The following RIPOR3 variants were observed in gnomAD, a reference collection of about 807,000 sequenced individuals.
RIPOR3 encodes the protein family with sequence similarity 65 member C.
Under a neutral mutation model 114.3 loss-of-function variants are expected in RIPOR3, and 95 were observed. That is an observed-to-expected ratio of 0.83 (90% CI 0.70 to 0.99). The LOEUF (loss-of-function observed/expected upper bound fraction) is 0.99, where lower values mean the gene tolerates loss of function less well. Among genes scored for constraint, RIPOR3 ranks in the 50% least tolerant of loss-of-function variants. RIPOR3 has a pLI of 0.00. For synonymous variants in RIPOR3, 575 were observed against 543.8 expected (o/e 1.06, Z -0.80); for missense variants, 1,252 against 1,266.9 (o/e 0.99, Z 0.18).
intron 12 of RIPOR3, among the ~76,000 whole-genome samples, chr20:50,603,097 C>T (rs2083565994): frequency 6.6e-6 from 1 of 152,274 alleles, no homozygotes; most frequent in Non-Finnish European, 1.5e-5. Context: ...TCCCTTCCTG[C>T]TGTCTCCCAC....
At chr20:50,679,080 G>A (rs6020679) in intron 1 of RIPOR3, among the ~76,000 whole-genome samples, 73,066 of 117,398 alleles carry the variant, frequency 0.62, 23,380 homozygotes, top group Middle Eastern at 0.73. Flanking sequence ...ACTCCAGCCT[G>A]GGTGACAAAG....
Position 50,587,839 on chromosome 20 carries a change from G to A in RIPOR3, c.2715C>T (p.Ala905=), listed in dbSNP as rs376014995. 41 of 1,614,158 alleles carry A rather than the reference G, an allele frequency of 2.5e-5. No homozygotes were observed. The Middle Eastern group carries it at 1.2e-3, about 45-fold the overall frequency. The change falls in exon 21 of 22, where the codon GCC becomes GCT. Residue 905 remains alanine (A), a synonymous_variant. Transcript: ENST00000327979. The part of the protein sequence containing the change: ...TASLCQSDLE[A]VRAAARETTL... ...TGGTTTCCCGGGCTGCCGCCCGCAC[G>A]GCCTCCAGGTCAGACTGGCACAGGC...
At chr20:50,640,279 A>G (rs2085141124) in intron 1 of RIPOR3, among the ~76,000 whole-genome samples, 1 of 151,898 alleles carries the variant, frequency 6.6e-6, no homozygotes, top group African/African-American at 2.4e-5. Context: ...GTCTGAGACC[A>G]AGGACATGAG....
intron 11 of RIPOR3, among the ~76,000 whole-genome samples, chr20:50,605,547 T>C (rs1270919191): frequency 3.3e-5 from 5 of 152,082 alleles, no homozygotes; most frequent in Non-Finnish European, 7.4e-5. Flanking sequence ...GGCAGGCAGA[T>C]GACTTGAGCT....
intron 11 of RIPOR3, 145 bp downstream of exon 11, chr20:50,608,244 G>T: frequency 1.8e-6 from 2 of 1,127,126 alleles, no homozygotes; most frequent in Non-Finnish European, 2.5e-6. Flanking sequence ...CTGACTGAGG[G>T]GTGGGAGTGA....
In RIPOR3 at chr20:50,602,352, G is replaced by A; in HGVS notation, c.1379C>T (p.Ala460Val). The A allele has an allele frequency of 6.2e-7, 1 of 1,613,632 alleles. No homozygotes were observed. ...PLPPGLLPEM[A>V]HLSGGPFAEQ... Reference sequence around the variant, plus strand: ...TGCAAACGGGCCTCCAGAGAGGTGGGCCATCTCTGGCAGGAGACCTGGGGG... The same window carrying A: ...TGCAAACGGGCCTCCAGAGAGGTGGACCATCTCTGGCAGGAGACCTGGGGG... Residue 460 changes from alanine to valine, a missense_variant, in exon 13 of 22, where the codon GCC becomes GTC. By Grantham distance (64) the Ala-to-Val change is moderately conservative. Coordinates refer to ENST00000327979, the MANE Select transcript of RIPOR3 (RefSeq NM_001290268.2). This position sits in a 1 kb window ranked among gnomAD's most constrained non-coding sequence, Gnocchi z 4.3.
intron 17 of RIPOR3, among the ~76,000 whole-genome samples, chr20:50,593,474 G>A (rs1354887442): frequency 6.6e-6 from 1 of 152,180 alleles, no homozygotes; most frequent in Non-Finnish European, 1.5e-5. Flanking sequence ...TGGAGGCTGA[G>A]GCAGGAGAAT....
Position 50,587,298 on chromosome 20 carries a change from G to T in RIPOR3, c.2787C>A (p.Asp929Glu). The change falls in exon 22 of 22, where the codon GAC becomes GAA. Residue 929 changes from aspartate to glutamate, a missense_variant. Physicochemically the swap from Asp to Glu is conservative, Grantham distance 45 (BLOSUM62 2). Coordinates refer to ENST00000327979, the MANE Select transcript of RIPOR3 (RefSeq NM_001290268.2). ...CTTCTCTTTGTTCTGAGCAGAGCTT[G>T]TCCATCTTCTCAAAAGCTAACCGTC... is the stretch of plus-strand genomic sequence containing the variant. The part of the protein sequence containing the change: ...EKGRLAFEKM[D>E]KLCSEQREVF... 6.2e-7 allele frequency: 1 copy of T among 1,614,206 alleles called. No homozygotes were observed. Among genetic ancestry groups the T allele is most frequent in the Non-Finnish European group, 8.5e-7 (1 of 1,180,032 alleles).
At chr20:50,597,415 G>T in intron 14 of RIPOR3, 165 bp downstream of exon 14, 1 of 1,020,348 alleles carries the variant, frequency 9.8e-7, no homozygotes, top group Non-Finnish European at 1.4e-6. Flanking sequence ...GAGGCAAGTG[G>T]GGGATGTGCG....
chr20:50,665,766 G>A (rs1243986270), intron 1 of RIPOR3, among the ~76,000 whole-genome samples: 6 of 152,050 alleles, frequency 3.9e-5, no homozygotes, highest in East Asian at 3.9e-4. Context: ...TTCAGTGCAC[G>A]TAGTTACATG....
intron 1 of RIPOR3, among the ~76,000 whole-genome samples, chr20:50,669,613 G>T (rs747527061): frequency 2.6e-5 from 4 of 152,178 alleles, no homozygotes; most frequent in African/African-American, 9.7e-5. Context: ...TGGGAGGAAA[G>T]TGCTCTGAGA....
At chr20:50,599,157 C>G (rs146692881) in intron 13 of RIPOR3, among the ~76,000 whole-genome samples, 1 of 152,002 alleles carries the variant, frequency 6.6e-6, no homozygotes, top group Non-Finnish European at 1.5e-5. Context: ...TCTGGGAGGC[C>G]GAGGCAGGTG....
intron 11 of RIPOR3, among the ~76,000 whole-genome samples, chr20:50,605,789 A>G (rs868017848): frequency 0.021 from 2,696 of 127,700 alleles, 75 homozygotes; most frequent in African/African-American, 0.065. Flanking sequence ...AAAAAAAAAG[A>G]AAAAAAAAAA....
intron 1 of RIPOR3, among the ~76,000 whole-genome samples, chr20:50,681,781 A>G (rs1192809718): frequency 6.6e-6 from 1 of 152,196 alleles, no homozygotes; most frequent in Non-Finnish European, 1.5e-5. Flanking sequence ...ATGTTATCAG[A>G]TCTGTAATCC....
chr20:50,616,793 C>G (rs892155347), intron 3 of RIPOR3, among the ~76,000 whole-genome samples: 4 of 152,174 alleles, frequency 2.6e-5, no homozygotes, highest in Non-Finnish European at 5.9e-5. Context: ...TGTTATACCC[C>G]CTCCCAAGCT....
chr20:50,598,948 C>A (rs1314844545), intron 13 of RIPOR3, among the ~76,000 whole-genome samples: 1 of 147,084 alleles, frequency 6.8e-6, no homozygotes, highest in Non-Finnish European at 1.5e-5. Flanking sequence ...TATAAAATCA[C>A]AGCAAAAAAA....
intron 20 of RIPOR3, 112 bp from the exon 21 acceptor site, chr20:50,588,004 C>A: frequency 1.0e-6 from 1 of 967,780 alleles, no homozygotes; most frequent in South Asian, 1.6e-5. Context: ...GGGCCTCAGC[C>A]CCTTCCTTTT....
intron 15 of RIPOR3, among the ~76,000 whole-genome samples, chr20:50,595,881 A>G (rs1021849264): frequency 3.3e-5 from 5 of 152,200 alleles, no homozygotes; most frequent in African/African-American, 1.2e-4. Context: ...GCCAGTTTGC[A>G]TTAGGGTTCT....
At chr20:50,594,147 A>G (rs927451114) in intron 17 of RIPOR3, among the ~76,000 whole-genome samples, 29 of 152,112 alleles carry the variant, frequency 1.9e-4, no homozygotes, top group African/African-American at 6.7e-4. Flanking sequence ...GTGGTGGTGC[A>G]CACCTGTAAT....
Sources: gnomAD v4.1 joint callset for allele counts (sites outside exome capture counted in the v4.1 genomes callset) on GRCh38, gnomAD v4.1.1 for gene constraint, Gnocchi (gnomAD v3.1) non-coding constraint, MANE v1.5 for transcripts, NCBI Gene and HGNC (gene_info 2026-07-23, HGNC 2026-07-21) for gene names.